MTUS2: variants seen among roughly 807,000 people sequenced by gnomAD.
The protein encoded by MTUS2 is microtubule associated scaffold protein 2, also known as microtubule-associated tumor suppressor candidate 2.
A neutral mutation model predicts 114.1 loss-of-function variants in MTUS2; 40 were observed. The ratio of observed to expected loss-of-function variants is 0.35; its 90% CI spans 0.27 to 0.46. MTUS2 has a LOEUF of 0.46. Among genes scored for constraint, MTUS2 ranks in the 20% least tolerant of loss-of-function variants. The pLI is 1.00. For missense variants in MTUS2, 1,679 were observed against 1,705.4 expected, an observed-to-expected ratio of 0.98 and a Z score of 0.27; for synonymous variants, 688 against 672.0, an observed-to-expected ratio of 1.02 and a Z score of -0.37.
intron 8 of MTUS2, among the ~76,000 whole-genome samples, chr13:29,416,418 A>G (rs999937192): frequency 4.0e-5 from 6 of 151,342 alleles, no homozygotes; most frequent in African/African-American, 1.5e-4. Context: ...TTAGATCTAT[A>G]ATTATATATA....
chr13:28,919,177 G>T (rs1022190612), intron 2 of MTUS2, among the ~76,000 whole-genome samples: 1 of 152,198 alleles, frequency 6.6e-6, no homozygotes, highest in Middle Eastern at 3.4e-3. Flanking sequence ...CATACCTTCA[G>T]ATGATTCATT....
chr13:29,382,201 A>C (rs1054757856), intron 8 of MTUS2, among the ~76,000 whole-genome samples: 5 of 152,216 alleles, frequency 3.3e-5, no homozygotes, highest in African/African-American at 1.2e-4. Context: ...GATGGTTGAC[A>C]GGTCGGGCCT....
intron 8 of MTUS2, chr13:29,428,881 GTGCCTGGACAAGACGGTACT>G: frequency 6.2e-7 from 1 of 1,614,090 alleles, no homozygotes. Context: ...ACTGCCTTCA[GTGCCTGGACAAGACGGTACT>G]TTGCCTTCCC....
At chr13:29,252,461 G>A (rs779751307) in intron 5 of MTUS2, among the ~76,000 whole-genome samples, 15 of 152,128 alleles carry the variant, frequency 9.9e-5, no homozygotes, top group African/African-American at 1.4e-4. Context: ...TGAGTGAGGC[G>A]TTGCTGCAGG....
intron 5 of MTUS2, among the ~76,000 whole-genome samples, chr13:29,120,693 G>T (rs921783158): frequency 6.6e-6 from 1 of 152,332 alleles, no homozygotes; most frequent in East Asian, 1.9e-4. Context: ...TTAAATTTCA[G>T]TGTGAAGTGA....
At chr13:29,075,046 A>G (rs1029390663) in intron 4 of MTUS2, among the ~76,000 whole-genome samples, 1 of 152,208 alleles carries the variant, frequency 6.6e-6, no homozygotes, top group South Asian at 2.1e-4. Flanking sequence ...CTACTAATCT[A>G]CTTTCTGTCT....
chr13:29,078,246 T>A lies in MTUS2; in HGVS notation c.2447-22527T>A, dbSNP rs368743136. 3.3e-5 allele frequency among the ~76,000 whole-genome samples: 5 copies of A among 152,322 alleles called. No individual in the cohort carries two copies. The East Asian group carries it at 7.7e-4, about 24-fold the overall frequency. ...AGCTTCTGGATTTATTTAAATTAAT[T>A]TCCCTATTAGGATTTTATTCATTTA... On this transcript the variant is annotated intron_variant, in intron 4 of 15. Coordinates refer to ENST00000612955, the MANE Select transcript of MTUS2 (RefSeq NM_001033602.4).
At chr13:29,375,609 G>GAAA (rs1871632720) in intron 8 of MTUS2, among the ~76,000 whole-genome samples, 2 of 3,310 alleles carry the variant, frequency 6.0e-4, no homozygotes, top group Admixed American at 4.0e-3. Context: ...ATATATATAC[G>GAAA]TATATATATA....
chr13:29,123,967 C>A (rs112294345), intron 5 of MTUS2, among the ~76,000 whole-genome samples: 9 of 152,172 alleles, frequency 5.9e-5, no homozygotes, highest in Non-Finnish European at 1.3e-4. Flanking sequence ...TTGCTTAGGT[C>A]AACACACCAT....
intron 4 of MTUS2, among the ~76,000 whole-genome samples, chr13:29,067,340 A>G (rs762552717): frequency 6.6e-6 from 1 of 152,178 alleles, no homozygotes; most frequent in Non-Finnish European, 1.5e-5. Context: ...AGAACACTGT[A>G]GGGTGGGAGT....
intron 2 of MTUS2, among the ~76,000 whole-genome samples, chr13:28,944,808 T>C (rs1882432382): frequency 6.6e-6 from 1 of 152,192 alleles, no homozygotes; most frequent in Non-Finnish European, 1.5e-5. Flanking sequence ...GATAGGTACA[T>C]CCTTTTTCTC....
At chr13:29,045,212 T>G (rs904928385) in intron 4 of MTUS2, among the ~76,000 whole-genome samples, 2 of 152,236 alleles carry the variant, frequency 1.3e-5, no homozygotes, top group East Asian at 1.9e-4. Context: ...TAGTCTGCTT[T>G]GGCTGCTATA....
At chr13:28,820,776 C>T (rs1487497151) in intron 1 of MTUS2, among the ~76,000 whole-genome samples, 165 bp downstream of exon 1, 1 of 152,164 alleles carries the variant, frequency 6.6e-6, no homozygotes, top group Non-Finnish European at 1.5e-5. Flanking sequence ...TGCTTCCTGC[C>T]CACATCACCT....
At chr13:28,986,395 G>A (rs1884587462) in intron 2 of MTUS2, among the ~76,000 whole-genome samples, 1 of 152,144 alleles carries the variant, frequency 6.6e-6, no homozygotes, top group African/African-American at 2.4e-5. Flanking sequence ...GGTGGGCACT[G>A]GCTTCCTGGC....
chr13:29,449,785 C>A (rs532219689), intron 9 of MTUS2, among the ~76,000 whole-genome samples: 4 of 152,182 alleles, frequency 2.6e-5, no homozygotes, highest in South Asian at 2.1e-4. Context: ...TAGTATAAAT[C>A]TGTCCAAACA....
chr13:29,199,155 A>T (rs1354374475), intron 5 of MTUS2, among the ~76,000 whole-genome samples: 2 of 152,188 alleles, frequency 1.3e-5, no homozygotes, highest in Non-Finnish European at 2.9e-5. Flanking sequence ...AGCAAAAAGA[A>T]CAAAGCTGGA....
At chr13:28,857,590 A>G (rs1876717454) in intron 2 of MTUS2, among the ~76,000 whole-genome samples, 1 of 152,242 alleles carries the variant, frequency 6.6e-6, no homozygotes, top group African/African-American at 2.4e-5. Flanking sequence ...CAAACTACAG[A>G]ACTGCCCTTT....
chr13:29,458,049 G>A (rs1013313709), intron 9 of MTUS2, among the ~76,000 whole-genome samples: 7 of 152,126 alleles, frequency 4.6e-5, no homozygotes, highest in African/African-American at 1.7e-4. Context: ...ACTGCACCTG[G>A]CCGAGCACTT....
At chr13:29,309,219 A>G (rs943690498) in intron 6 of MTUS2, among the ~76,000 whole-genome samples, 2 of 152,190 alleles carry the variant, frequency 1.3e-5, no homozygotes, top group African/African-American at 4.8e-5. Flanking sequence ...AATGTGGTGC[A>G]TATATATACA....
Sources: allele counts gnomAD v4.1 joint callset (sites outside exome capture counted in the v4.1 genomes callset), GRCh38; gene constraint gnomAD v4.1.1; transcripts MANE v1.5; gene names NCBI Gene and HGNC (gene_info 2026-07-23, HGNC 2026-07-21).